TNRC6C: variants seen among roughly 807,000 people sequenced by gnomAD.
TNRC6C encodes trinucleotide repeat containing adaptor 6C, also known as trinucleotide repeat-containing gene 6C protein.
TNRC6C carries 20 observed loss-of-function variants against 153.7 expected under a neutral mutation model. The ratio of observed to expected loss-of-function variants is 0.13; its 90% CI spans 0.09 to 0.19. TNRC6C has a LOEUF of 0.19. Among genes scored for constraint, TNRC6C ranks in the 10% least tolerant of loss-of-function variants. The probability of loss-of-function intolerance (pLI) is 1.00; values close to 1 mark genes in which losing one functional copy is unlikely to be tolerated. For synonymous variants in TNRC6C, 811 were observed against 841.4 expected (o/e 0.96, Z 0.63); for missense variants, 1,987 against 2,172.0 (o/e 0.91, Z 1.69).
At chr17:78,057,116 A>G (rs1457508081) in intron 3 of TNRC6C, among the ~76,000 whole-genome samples, 1 of 152,072 alleles carries the variant, frequency 6.6e-6, no homozygotes, top group Non-Finnish European at 1.5e-5. Flanking sequence ...TTCCATGTGG[A>G]AGTGTGCTCA....
intron 1 of TNRC6C, among the ~76,000 whole-genome samples, chr17:78,029,087 A>G (rs1346677469): frequency 6.6e-6 from 1 of 152,200 alleles, no homozygotes; most frequent in Non-Finnish European, 1.5e-5. Context: ...ACTTACTCTA[A>G]TATGATTTTA....
intron 16 of TNRC6C, 31 bp from the exon 19 acceptor site, chr17:78,097,714 A>G (rs2073512899): frequency 1.3e-6 from 2 of 1,493,116 alleles, no homozygotes; most frequent in Admixed American, 4.2e-5. Context: ...CACCGCCACC[A>G]CCTTGCTCAG....
At position 78,075,944 on chromosome 17, in the gene TNRC6C, C is replaced by T. The variant is rs1382202799; in HGVS notation, c.3060+666C>T. ...ATCAACAATGGAAGGAGGCTGGGTG[C>T]GGTGGCTCACTCCTGTAATCCCAGC... is the stretch of plus-strand genomic sequence containing the variant. On this transcript the variant is annotated intron_variant, in intron 8 of 19. Coordinates refer to ENST00000301624, the Ensembl canonical transcript of TNRC6C. This position sits in a 1 kb window ranked among gnomAD's most constrained non-coding sequence, Gnocchi z 4.2. 4.6e-5 allele frequency among the ~76,000 whole-genome samples: 7 copies of T among 151,792 alleles called. No individual in the cohort carries two copies. The East Asian group carries it at 1.2e-3, about 25-fold the overall frequency.
intron 3 of TNRC6C, among the ~76,000 whole-genome samples, chr17:78,052,279 T>C (rs1259489913): frequency 2.0e-5 from 3 of 152,156 alleles, no homozygotes; most frequent in Non-Finnish European, 4.4e-5. Context: ...TTAGCCCATG[T>C]AGAGGACAGG....
At position 78,075,345 on chromosome 17, in the gene TNRC6C, C is replaced by CCTT; in HGVS notation, c.3060+68_3060+70dup. 6.6e-7 allele frequency: 1 copy of CCTT among 1,518,854 alleles called. No individual in the cohort carries two copies. Among genetic ancestry groups the CCTT allele is most frequent in the Non-Finnish European group, 8.9e-7 (1 of 1,124,634 alleles). The allele number at this position is 1,518,854 out of a possible 1,614,324, so 94.1% of individuals were successfully genotyped here. A position where few individuals can be genotyped will look rare whatever the true frequency, so the allele number is the denominator to read the frequency against. On this transcript the variant is annotated intron_variant, in intron 8 of 19. Coordinates refer to ENST00000301624, the Ensembl canonical transcript of TNRC6C. The surrounding 1 kb of genome is among the most constrained non-coding windows in gnomAD (Gnocchi z 4.2). ...GAGGAGTTTTTCATTTCAACTGTGT[C>CCTT]CTTAATACAAGCCAGATTAAAAACT... is the stretch of plus-strand genomic sequence containing the variant.
At chr17:78,091,490 T>C (rs774870277) in exon 14 of TNRC6C, 2 of 1,608,844 alleles carry the variant, frequency 1.2e-6, no homozygotes, top group Admixed American at 3.4e-5. Flanking sequence ...GACCGGTGGC[T>C]TGTCGGTGAA....
Position 78,049,745 on chromosome 17 carries a change from C to A in TNRC6C, c.683C>A (p.Ala228Asp). 6.3e-7 allele frequency: 1 copy of A among 1,590,772 alleles called. No individual in the cohort carries two copies. Among genetic ancestry groups the A allele is most frequent in the African/African-American group, 1.3e-5 (1 of 74,694 alleles). ...CCCCACCTGCAAGGCCTTCCTGGTG[C>A]TAATGGATCATCAGTTTCTCAAGTC... is the stretch of plus-strand genomic sequence containing the variant. The change falls in exon 3 of 20, where the codon GCT becomes GAT. Residue 228 changes from alanine (A) to aspartate (D), a missense_variant. Coordinates refer to ENST00000301624, the Ensembl canonical transcript of TNRC6C. This position sits in a 1 kb window ranked among gnomAD's most constrained non-coding sequence, Gnocchi z 4.1.
chr17:78,102,504 G>A, exon 18 of TNRC6C: 1 of 1,608,030 alleles, frequency 6.2e-7, no homozygotes, highest in Non-Finnish European at 8.5e-7. Context: ...ACCTCAGGAA[G>A]AACCAGCAGC....
chr17:77,974,735 T>G (rs2070973589), intron 1 of TNRC6C, among the ~76,000 whole-genome samples: 3 of 152,230 alleles, frequency 2.0e-5, no homozygotes, highest in Admixed American at 1.3e-4. Flanking sequence ...TATTAACAGG[T>G]ATTATGTCTT....
At chr17:78,093,083 G>C in exon 15 of TNRC6C, 6 of 1,613,478 alleles carry the variant, frequency 3.7e-6, no homozygotes, top group Non-Finnish European at 5.1e-6. Context: ...AAATCTGACA[G>C]TGATAAAATC....
At chr17:78,008,621 C>T (rs2071564909) in intron 1 of TNRC6C, 1 of 152,182 alleles carries the variant, frequency 6.6e-6, no homozygotes, top group African/African-American at 2.4e-5. Context: ...GGTTGACATC[C>T]TGCACTCCTA....
At position 78,075,333 on chromosome 17, in the gene TNRC6C, T is replaced by G; in HGVS notation, c.3060+55T>G. 1.3e-6 allele frequency: 2 copies of G among 1,537,702 alleles called. No individual in the cohort carries two copies. The highest frequency in any genetic ancestry group is 1.8e-6 in the Non-Finnish European group (2 of 1,136,404). ...CTTTTTTAACAAGAGGAGTTTTTCA[T>G]TTCAACTGTGTCCTTAATACAAGCC... On this transcript the variant is annotated intron_variant, in intron 8 of 19. Coordinates refer to ENST00000301624, the Ensembl canonical transcript of TNRC6C. This position sits in a 1 kb window ranked among gnomAD's most constrained non-coding sequence, Gnocchi z 4.2.
intron 2 of TNRC6C, among the ~76,000 whole-genome samples, chr17:78,039,597 C>T (rs1282877388): frequency 6.6e-6 from 1 of 152,212 alleles, no homozygotes; most frequent in East Asian, 1.9e-4. Flanking sequence ...CTAAATGGAG[C>T]TTTCCAGCGT....
chr17:78,059,219 T>C lies in TNRC6C; in HGVS notation c.2396-5503T>C, dbSNP rs989899091. 3.3e-5 allele frequency among the ~76,000 whole-genome samples: 5 copies of C among 152,194 alleles called. 1 individual carries two copies. Among genetic ancestry groups the C allele is most frequent in the Admixed American group, 3.3e-4 (5 of 15,274 alleles). On this transcript the variant is annotated intron_variant, in intron 3 of 19. Coordinates refer to ENST00000301624, the Ensembl canonical transcript of TNRC6C. ...GTTTTCACATAACTTCGGAAATAGATCCCATTGACCTCTGCAGCCAGAAGT... is the reference window on the plus strand; with the variant it reads ...GTTTTCACATAACTTCGGAAATAGACCCCATTGACCTCTGCAGCCAGAAGT...
rs1273229056 is a variant in TNRC6C at position 78,050,722 on chromosome 17, A to G, written c.1660A>G (p.Ser554Gly). ...TGTTAGTACTGCTGCTGCTGCCAAG[A>G]GTGGCCATGCTTGGAGTGGGGCCGC... is the stretch of plus-strand genomic sequence containing the variant. Residue 554 changes from serine to glycine, a missense_variant, in exon 3 of 20, where the codon AGT (serine) becomes GGT (glycine). Ser to Gly is a moderately conservative substitution (Grantham distance 56). Transcript: ENST00000301624. The G allele has an allele frequency of 3.2e-6, 5 of 1,583,762 alleles. No homozygotes were observed. Among genetic ancestry groups the G allele is most frequent in the African/African-American group, 1.3e-5 (1 of 74,506 alleles).
At position 78,103,661 on chromosome 17, in the gene TNRC6C, CAGGCTGGCCACCCTCCCACTTCTGG is replaced by C; in HGVS notation, c.4712+116_4712+140del. 4.1e-6 allele frequency: 6 copies of C among 1,462,304 alleles called. No homozygotes were observed. The South Asian group carries it at 8.1e-5, about 20-fold the overall frequency. The allele number at this position is 1,462,304 out of a possible 1,614,324, so 90.6% of individuals were successfully genotyped here. A position where few individuals can be genotyped will look rare whatever the true frequency, so the allele number is the denominator to read the frequency against. On this transcript the variant is annotated intron_variant, in intron 19 of 19. Transcript: ENST00000301624. ...CCTGAGCCACCATAGCAGAATCCCA[CAGGCTGGCCACCCTCCCACTTCTGG>C]AGGCTGGAAGTCTGATACCCAAGAT...
exon 20 of TNRC6C, chr17:78,107,317 ACT>A (rs1401781991): frequency 6.6e-6 from 1 of 151,820 alleles, no homozygotes; most frequent in African/African-American, 2.4e-5. Context: ...TATGTCTGTA[ACT>A]CTGAGATTAA....
chr17:77,991,522 C>A (rs1318977515), intron 1 of TNRC6C, among the ~76,000 whole-genome samples: 1 of 152,122 alleles, frequency 6.6e-6, no homozygotes, highest in Non-Finnish European at 1.5e-5. Context: ...ACGTAAACTT[C>A]CAGGGCATGA....
At chr17:78,043,504 C>G (rs2072342616) in intron 2 of TNRC6C, among the ~76,000 whole-genome samples, 1 of 152,066 alleles carries the variant, frequency 6.6e-6, no homozygotes, top group Non-Finnish European at 1.5e-5. Flanking sequence ...TACAGGCATG[C>G]AATGTGTAAT....
Sources: allele counts gnomAD v4.1 joint callset (sites outside exome capture counted in the v4.1 genomes callset), GRCh38; gene constraint gnomAD v4.1.1; non-coding constraint Gnocchi (gnomAD v3.1); transcripts MANE v1.5; gene names NCBI Gene and HGNC (gene_info 2026-07-23, HGNC 2026-07-21).